The following ZNF703 variants were observed in gnomAD, a reference collection of about 807,000 sequenced individuals.
ZNF703 encodes zinc finger protein 703.
In ZNF703, 18 loss-of-function variants were observed where a neutral mutation model predicts 30.7. The observed-to-expected ratio is 0.59, with a 90% CI of 0.40 to 0.87. ZNF703 has a LOEUF of 0.87. Ranked by LOEUF, ZNF703 falls within the 40% of genes least tolerant of loss-of-function variation. ZNF703 has a pLI of 0.00. For synonymous variants in ZNF703, 457 were observed against 438.6 expected, an observed-to-expected ratio of 1.04 and a Z score of -0.52; for missense variants, 814 against 847.8, an observed-to-expected ratio of 0.96 and a Z score of 0.50.
Position 37,697,319 on chromosome 8 carries a change from C to T in ZNF703, c.418C>T (p.Leu140=). 6.4e-7 allele frequency: 1 copy of T among 1,561,416 alleles called. No homozygotes were observed. The highest frequency in any genetic ancestry group is 8.7e-7 in the Non-Finnish European group (1 of 1,155,030). Residue 140 remains leucine (L), a synonymous_variant, in exon 2 of 2, where the codon CTG becomes TTG. Transcript: ENST00000331569. ...GGGCGCCGCCTCCGCAGCCGCGGCC[C>T]TGAAGCAGCTGGGGGACTCACCGGC... ...APGAASAAAA[L]KQLGDSPAED...
Position 37,697,534 on chromosome 8 carries a change from A to G in ZNF703, c.633A>G (p.Ala211=), listed in dbSNP as rs1224904234. Reference sequence around the variant, plus strand: ...CCCCGCATGGAGCGCCGGTCTCCGCATCCTCGTCCTCGTCGTCGCCCGGCG... The same window carrying G: ...CCCCGCATGGAGCGCCGGTCTCCGCGTCCTCGTCCTCGTCGTCGCCCGGCG... ...PFPPHGAPVS[A]SSSSSSPGGS... is the part of the protein sequence containing the mutation. Residue 211 remains alanine, a synonymous_variant, in exon 2 of 2, where the codon GCA becomes GCG. Transcript: ENST00000331569. 1.0e-5 allele frequency: 15 copies of G among 1,490,754 alleles called. No homozygotes were observed. Among genetic ancestry groups the G allele is most frequent in the Non-Finnish European group, 1.3e-5 (15 of 1,125,502 alleles). 92.3% of individuals were successfully genotyped at this position (1,490,754 alleles called of 1,614,324 possible). A position where few individuals can be genotyped will look rare whatever the true frequency, so the allele number is the denominator to read the frequency against.
rs1482914517 is a variant in ZNF703, at chr8:37,697,238, G to T, written c.337G>T (p.Val113Leu). 1 of 1,595,254 alleles carries T rather than the reference G, an allele frequency of 6.3e-7. No individual in the cohort carries two copies. The highest frequency in any genetic ancestry group is 1.7e-5 in the Admixed American group (1 of 58,512). ...GCCGCCCTCCTCCAAACTCAACTCGGTGGCGGCGGCGGCCAACGGGCTGGG... is the reference window on the plus strand; with the variant it reads ...GCCGCCCTCCTCCAAACTCAACTCGTTGGCGGCGGCGGCCAACGGGCTGGG... ...DPPPSSKLNS[V>L]AAAANGLGAE... The change falls in exon 2 of 2, where the codon GTG becomes TTG. Residue 113 changes from valine to leucine, a missense_variant. By Grantham distance (32) the Val-to-Leu change is conservative. Coordinates refer to ENST00000331569, the MANE Select transcript of ZNF703 (RefSeq NM_025069.3).
chr8:37,698,355 C>G lies in ZNF703; in HGVS notation c.1454C>G (p.Thr485Arg), dbSNP rs1444410151. ...CTGCTCAGCCACCTACGGACCCACACGGCCCTGCCGGGAGCCGAGAAACTT... is the reference window on the plus strand; with the variant it reads ...CTGCTCAGCCACCTACGGACCCACAGGGCCCTGCCGGGAGCCGAGAAACTT... Reference protein sequence around the residue: ...EELLSHLRTHTALPGAEKLLA... With the variant: ...EELLSHLRTHRALPGAEKLLA... The change falls in exon 2 of 2, where the codon ACG becomes AGG. Residue 485 changes from threonine (T) to arginine (R), a missense_variant. Transcript: ENST00000331569. 1 of 1,531,724 alleles carries G rather than the reference C, an allele frequency of 6.5e-7. No homozygotes were observed. Among genetic ancestry groups the G allele is most frequent in the Non-Finnish European group, 8.8e-7 (1 of 1,140,566 alleles). 94.9% of individuals were successfully genotyped at this position (1,531,724 alleles called of 1,614,324 possible). A position where few individuals can be genotyped will look rare whatever the true frequency, so the allele number is the denominator to read the frequency against.
In ZNF703 at chr8:37,697,936, G is replaced by C; in HGVS notation, c.1035G>C (p.Gln345His). 1 of 1,555,568 alleles carries C rather than the reference G, an allele frequency of 6.4e-7. No individual in the cohort carries two copies. The highest frequency in any genetic ancestry group is 8.6e-7 in the Non-Finnish European group (1 of 1,157,130). Residue 345 changes from glutamine (Q) to histidine (H), a missense_variant, in exon 2 of 2, where the codon CAG (glutamine) becomes CAC (histidine). Transcript: ENST00000331569. Reference protein sequence around the residue: ...DPSKSGLVGGQLSGGLGLPPG... With the variant: ...DPSKSGLVGGHLSGGLGLPPG... Reference sequence around the variant, plus strand: ...GCAAGTCCGGCCTCGTGGGAGGCCAGCTGTCTGGGGGCCTGGGCCTGCCGC... The same window carrying C: ...GCAAGTCCGGCCTCGTGGGAGGCCACCTGTCTGGGGGCCTGGGCCTGCCGC...
chr8:37,697,132 C>A lies in ZNF703; in HGVS notation c.244-13C>A. On this transcript the variant is annotated splice_polypyrimidine_tract_variant and intron_variant, in intron 1 of 1. Transcript: ENST00000331569. ...TCACTCCTTCTCCCTCCCCCTGCTT[C>A]TGTCTCCCACAGCTGGACGCCAAGA... The A allele has an allele frequency of 6.5e-7, 1 of 1,528,746 alleles. No individual in the cohort carries two copies. 94.7% of individuals were successfully genotyped at this position (1,528,746 alleles called of 1,614,324 possible). A position where few individuals can be genotyped will look rare whatever the true frequency, so the allele number is the denominator to read the frequency against.
In ZNF703 at chr8:37,698,626, G is replaced by T; in HGVS notation, c.1725G>T (p.Ala575=). Residue 575 remains alanine, a synonymous_variant, in exon 2 of 2, where the codon GCG becomes GCT. Transcript: ENST00000331569. ...CCGGACCCTACTATTCGCCATACGCGCTGTATGGACAGAGACTAGCTTCAG... is the reference window on the plus strand; with the variant it reads ...CCGGACCCTACTATTCGCCATACGCTCTGTATGGACAGAGACTAGCTTCAG... ...PTAGPYYSPY[A]LYGQRLASAS... 2 of 1,539,378 alleles carry T rather than the reference G, an allele frequency of 1.3e-6. No homozygotes were observed. The highest frequency in any genetic ancestry group is 8.7e-7 in the Non-Finnish European group (1 of 1,145,918).
rs1299788784 is a variant in ZNF703, at chr8:37,698,078, G to A, written c.1177G>A (p.Gly393Ser). 7 of 1,542,520 alleles carry A rather than the reference G, an allele frequency of 4.5e-6. No homozygotes were observed. In the Admixed American group the frequency reaches 5.8e-5, roughly 13 times the overall value. Reference protein sequence around the residue: ...GGYHGASHLGGSSCSTCSAHD... With the variant: ...GGYHGASHLGSSSCSTCSAHD... ...TTACCACGGCGCCTCGCACCTCGGC[G>A]GCTCCAGCTGCTCCACCTGCAGCGC... The change falls in exon 2 of 2, where the codon GGC (glycine) becomes AGC (serine). Residue 393 changes from glycine to serine, a missense_variant. Physicochemically the swap from Gly to Ser is moderately conservative, Grantham distance 56. Coordinates refer to ENST00000331569, the MANE Select transcript of ZNF703 (RefSeq NM_025069.3).
rs920108051 is a variant in ZNF703, at chr8:37,699,410, AG to A, written c.*739del. On this transcript the variant is annotated 3_prime_UTR_variant, in exon 2 of 2. Transcript: ENST00000331569. Reference sequence around the variant, plus strand: ...GGTCTGGACCCTGCCCCCCAAAAGTAGGGCCTTGCTCCTCTACCTTGCTCTG... The same window carrying A: ...GGTCTGGACCCTGCCCCCCAAAAGTAGGCCTTGCTCCTCTACCTTGCTCTG... 3 of 152,242 alleles carry A rather than the reference AG, an allele frequency of 2.0e-5. No homozygotes were observed. The highest frequency in any genetic ancestry group is 7.2e-5 in the African/African-American group (3 of 41,414). 9.4% of individuals were successfully genotyped at this position (152,242 alleles called of 1,614,324 possible).
In ZNF703 at chr8:37,697,522, G is replaced by A; in HGVS notation, c.621G>A (p.Ala207=). ...AACPPFPPHG[A]PVSASSSSSS... is the part of the protein sequence containing the mutation. ...GCCCGCCCTTTCCCCCGCATGGAGC[G>A]CCGGTCTCCGCATCCTCGTCCTCGT... Residue 207 remains alanine, a synonymous_variant, in exon 2 of 2, where the codon GCG becomes GCA. Coordinates refer to ENST00000331569, the MANE Select transcript of ZNF703 (RefSeq NM_025069.3). 1 of 1,513,676 alleles carries A rather than the reference G, an allele frequency of 6.6e-7. No homozygotes were observed. Among genetic ancestry groups the A allele is most frequent in the Non-Finnish European group, 8.8e-7 (1 of 1,136,100 alleles). 93.8% of individuals were successfully genotyped at this position (1,513,676 alleles called of 1,614,324 possible). A position where few individuals can be genotyped will look rare whatever the true frequency, so the allele number is the denominator to read the frequency against.
At position 37,698,028 on chromosome 8, in the gene ZNF703, G is replaced by A; in HGVS notation, c.1127G>A (p.Cys376Tyr). 1 of 1,554,928 alleles carries A rather than the reference G, an allele frequency of 6.4e-7. No homozygotes were observed. Among genetic ancestry groups the A allele is most frequent in the Non-Finnish European group, 8.7e-7 (1 of 1,154,046 alleles). The change falls in exon 2 of 2, where the codon TGC becomes TAC. Residue 376 changes from cysteine to tyrosine, a missense_variant. Cys to Tyr is a radical substitution (Grantham distance 194, BLOSUM62 -2). Coordinates refer to ENST00000331569, the MANE Select transcript of ZNF703 (RefSeq NM_025069.3). ...ASPPSFLQGL[C>Y]RDPYCLGGYH... Reference sequence around the variant, plus strand: ...CCGCCCTCCTTCCTGCAGGGATTATGCCGCGACCCCTATTGCTTGGGAGGT... The same window carrying A: ...CCGCCCTCCTTCCTGCAGGGATTATACCGCGACCCCTATTGCTTGGGAGGT...
In ZNF703 at chr8:37,696,159, C is replaced by T. The variant is rs1180117418; in HGVS notation, c.180C>T (p.Thr60=). 2 of 1,612,156 alleles carry T rather than the reference C, an allele frequency of 1.2e-6. No individual in the cohort carries two copies. Among genetic ancestry groups the T allele is most frequent in the South Asian group, 1.1e-5 (1 of 90,942 alleles). The stretch of plus-strand genomic sequence containing the variant: ...TCCTGAAGATGCTGAGCGCTCACAC[C>T]GGTCACCTCCTGCACCCGGAGTACC... ...IRVLKMLSAH[T]GHLLHPEYLQ... is the part of the protein sequence containing the mutation. Residue 60 remains threonine (T), a synonymous_variant, in exon 1 of 2, where the codon ACC becomes ACT. Transcript: ENST00000331569. The surrounding 1 kb of genome is among the most constrained non-coding windows in gnomAD (Gnocchi z 8.2).
chr8:37,697,562 TCCCGCG>T lies in ZNF703; in HGVS notation c.662_667del (p.Ser221_Gly223delinsCys), dbSNP rs1178964351. 1 of 1,468,824 alleles carries T rather than the reference TCCCGCG, an allele frequency of 6.8e-7. No individual in the cohort carries two copies. The highest frequency in any genetic ancestry group is 2.4e-5 in the Admixed American group (1 of 41,694). 91.0% of individuals were successfully genotyped at this position (1,468,824 alleles called of 1,614,324 possible). A position where few individuals can be genotyped will look rare whatever the true frequency, so the allele number is the denominator to read the frequency against. ...CTCGTCCTCGTCGTCGCCCGGCGGC[TCCCGCG>T]GCGGCTCCCCGCACCACTCTGACTG... On this transcript the variant is annotated inframe_deletion, in exon 2 of 2. Coordinates refer to ENST00000331569, the MANE Select transcript of ZNF703 (RefSeq NM_025069.3).
Position 37,698,415 on chromosome 8 carries a change from GCGC to G in ZNF703, c.1540_1542del (p.Ala514del), listed in dbSNP as rs568050040. 841 of 1,474,320 alleles carry G rather than the reference GCGC, an allele frequency of 5.7e-4. 1 individual carries two copies. Among genetic ancestry groups the G allele is most frequent in the South Asian group, 2.2e-3 (163 of 73,678 alleles). 91.3% of individuals were successfully genotyped at this position (1,474,320 alleles called of 1,614,324 possible). A position where few individuals can be genotyped will look rare whatever the true frequency, so the allele number is the denominator to read the frequency against. Reference sequence around the variant, plus strand: ...TACCCCGGGGCCTCGGGCCTGGGCAGCGCCGCCGCCGCCGCCGCCGCCGCCGCC... The same window carrying G: ...TACCCCGGGGCCTCGGGCCTGGGCAGCGCCGCCGCCGCCGCCGCCGCCGCC... On this transcript the variant is annotated inframe_deletion, in exon 2 of 2. Coordinates refer to ENST00000331569, the MANE Select transcript of ZNF703 (RefSeq NM_025069.3).
In ZNF703 at chr8:37,697,933, C is replaced by T. The variant is rs1283834679; in HGVS notation, c.1032C>T (p.Gly344=). The T allele has an allele frequency of 1.3e-6, 2 of 1,556,328 alleles. No individual in the cohort carries two copies. The highest frequency in any genetic ancestry group is 1.7e-6 in the Non-Finnish European group (2 of 1,157,462). Residue 344 remains glycine (G), a synonymous_variant, in exon 2 of 2, where the codon GGC becomes GGT. Coordinates refer to ENST00000331569, the MANE Select transcript of ZNF703 (RefSeq NM_025069.3). The part of the protein sequence containing the change: ...LDPSKSGLVG[G]QLSGGLGLPP... ...CTAGCAAGTCCGGCCTCGTGGGAGG[C>T]CAGCTGTCTGGGGGCCTGGGCCTGC... is the stretch of plus-strand genomic sequence containing the variant.
Position 37,698,168 on chromosome 8 carries a change from C to T in ZNF703, c.1267C>T (p.Leu423=). 4 of 1,527,440 alleles carry T rather than the reference C, an allele frequency of 2.6e-6. No individual in the cohort carries two copies. In the South Asian group the frequency reaches 4.8e-5, roughly 18 times the overall value. 94.6% of individuals were successfully genotyped at this position (1,527,440 alleles called of 1,614,324 possible). A position where few individuals can be genotyped will look rare whatever the true frequency, so the allele number is the denominator to read the frequency against. ...CCCGCTGGTGTACCCCGGGCACCCG[C>T]TGCAGCCCGCCGCGCTCTCGTCCAG... ...GYPLVYPGHP[L]QPAALSSSAA... is the part of the protein sequence containing the mutation. Residue 423 remains leucine, a synonymous_variant, in exon 2 of 2, where the codon CTG becomes TTG. Transcript: ENST00000331569.
At position 37,698,079 on chromosome 8, in the gene ZNF703, G is replaced by T. The variant is rs1402615991; in HGVS notation, c.1178G>T (p.Gly393Val). ...TACCACGGCGCCTCGCACCTCGGCGGCTCCAGCTGCTCCACCTGCAGCGCG... is the reference window on the plus strand; with the variant it reads ...TACCACGGCGCCTCGCACCTCGGCGTCTCCAGCTGCTCCACCTGCAGCGCG... ...GGYHGASHLG[G>V]SSCSTCSAHD... The change falls in exon 2 of 2, where the codon GGC becomes GTC. Residue 393 changes from glycine (G) to valine (V), a missense_variant. Coordinates refer to ENST00000331569, the MANE Select transcript of ZNF703 (RefSeq NM_025069.3). 1 of 1,540,506 alleles carries T rather than the reference G, an allele frequency of 6.5e-7. No individual in the cohort carries two copies. The highest frequency in any genetic ancestry group is 1.2e-5 in the South Asian group (1 of 84,328).
At position 37,698,466 on chromosome 8, in the gene ZNF703, C is replaced by A. The variant is rs762756641; in HGVS notation, c.1565C>A (p.Pro522Gln). The A allele has an allele frequency of 6.7e-7, 1 of 1,501,996 alleles. No homozygotes were observed. Among genetic ancestry groups the A allele is most frequent in the Non-Finnish European group, 8.9e-7 (1 of 1,127,888 alleles). The allele number at this position is 1,501,996 out of a possible 1,614,324, so 93.0% of individuals were successfully genotyped here. A position where few individuals can be genotyped will look rare whatever the true frequency, so the allele number is the denominator to read the frequency against. Reference protein sequence around the residue: ...AAASCHLHLPPPAAPGSPGSL... With the variant: ...AAASCHLHLPQPAAPGSPGSL... ...GCCTCCTGCCATCTGCACCTCCCCC[C>A]GCCCGCCGCCCCCGGCAGCCCCGGG... The change falls in exon 2 of 2, where the codon CCG (proline) becomes CAG (glutamine). Residue 522 changes from proline (P) to glutamine (Q), a missense_variant. Pro to Gln is a moderately conservative substitution (Grantham distance 76, BLOSUM62 -1). Transcript: ENST00000331569.
chr8:37,695,809 C>A lies in ZNF703; in HGVS notation c.-171C>A. The A allele has an allele frequency of 1.8e-6, 1 of 545,874 alleles. No individual in the cohort carries two copies. The highest frequency in any genetic ancestry group is 3.0e-6 in the Non-Finnish European group (1 of 336,078). 33.8% of individuals were successfully genotyped at this position (545,874 alleles called of 1,614,324 possible). On this transcript the variant is annotated 5_prime_UTR_variant, in exon 1 of 2. Transcript: ENST00000331569. Reference sequence around the variant, plus strand: ...TTTTTGTGTTGCTAGCCGGGGCCAGCGGCGGTGGCGGCGGCGGCGGAGGCG... The same window carrying A: ...TTTTTGTGTTGCTAGCCGGGGCCAGAGGCGGTGGCGGCGGCGGCGGAGGCG...
Position 37,696,884 on chromosome 8 carries a change from C to A in ZNF703, c.244-261C>A, listed in dbSNP as rs575227789. On this transcript the variant is annotated intron_variant, in intron 1 of 1. Coordinates refer to ENST00000331569, the MANE Select transcript of ZNF703 (RefSeq NM_025069.3). This position sits in a 1 kb window ranked among gnomAD's most constrained non-coding sequence, Gnocchi z 8.2. ...AGAGGGAAGTGGCGAGTCACAGCCCCGACTCCAGAGACGTCACCTTCTCCC... is the reference window on the plus strand; with the variant it reads ...AGAGGGAAGTGGCGAGTCACAGCCCAGACTCCAGAGACGTCACCTTCTCCC... Among the ~76,000 whole-genome samples, 30 of 152,338 alleles carry A rather than the reference C, an allele frequency of 2.0e-4. No homozygotes were observed. Among genetic ancestry groups the A allele is most frequent in the Admixed American group, 9.1e-4 (14 of 15,306 alleles).
Sources: allele counts gnomAD v4.1 joint callset (sites outside exome capture counted in the v4.1 genomes callset), GRCh38; gene constraint gnomAD v4.1.1; non-coding constraint Gnocchi (gnomAD v3.1); transcripts MANE v1.5; gene names NCBI Gene and HGNC (gene_info 2026-07-23, HGNC 2026-07-21).